PCDH11X: variants seen among roughly 807,000 people sequenced by gnomAD.
The protein encoded by PCDH11X is protocadherin 11 X-linked, also known as protocadherin-11 X-linked.
In PCDH11X, 18 loss-of-function variants were observed where a neutral mutation model predicts 53.3. The ratio of observed to expected loss-of-function variants is 0.34; its 90% confidence interval spans 0.23 to 0.50. The LOEUF is 0.50. Among genes scored for constraint, PCDH11X ranks in the 20% least tolerant of loss-of-function variants. The probability of loss-of-function intolerance (pLI) is 0.98; values close to 1 mark genes in which losing one functional copy is unlikely to be tolerated. For missense variants in PCDH11X, 570 were observed against 1,032.4 expected (o/e 0.55, Z 6.14); for synonymous variants, 279 against 393.3 (o/e 0.71, Z 3.44).
rs1247964345 is a variant in PCDH11X at position 92,094,141 on chromosome X, G to A, written c.3034-107234G>A. On this transcript the variant is annotated intron_variant, in intron 6 of 10. Transcript: ENST00000682573. ...CCACACAAAAAAGTAATATGTGTGT[G>A]TGTGTGTGTGTGTGTGTGTGTGTGT... 8.8e-5 allele frequency among the ~76,000 whole-genome samples: 4 copies of A among 45,618 alleles called. No homozygotes were observed. In the African/African-American group the frequency reaches 1.0e-3, roughly 12 times the overall value. The allele number at this position is 45,618 out of a possible 115,157, so 39.6% of individuals were successfully genotyped here. A position where few individuals can be genotyped will look rare whatever the true frequency, so the allele number is the denominator to read the frequency against.
intron 6 of PCDH11X, among the ~76,000 whole-genome samples, chrX:92,125,525 T>C (rs1336501287): frequency 9.0e-6 from 1 of 111,204 alleles, no homozygotes; most frequent in African/African-American, 3.3e-5. Context: ...GTGAGTTCCT[T>C]ATATGGAACT....
In PCDH11X at chrX:92,125,893, G is replaced by A. The variant is rs747168632; in HGVS notation, c.3034-75482G>A. Among the ~76,000 whole-genome samples the A allele has an allele frequency of 4.8e-3, 527 of 110,409 alleles. 4 individuals carry two copies. The highest frequency in any genetic ancestry group is 0.016 in the African/African-American group (494 of 30,384). On this transcript the variant is annotated intron_variant, in intron 6 of 10. Coordinates refer to ENST00000682573, the MANE Select transcript of PCDH11X (RefSeq NM_032968.5). ...TGTAATCCCAGCACTTTGGGAGGCCGAGGCAGGTGGATCACCTGAGGTCAG... is the reference window on the plus strand; with the variant it reads ...TGTAATCCCAGCACTTTGGGAGGCCAAGGCAGGTGGATCACCTGAGGTCAG...
In PCDH11X at chrX:91,998,894, C is replaced by CTTTTATTTTATTTTA. The variant is rs751332097; in HGVS notation, c.3033+119641_3033+119655dup. ...ATAGTATGTTTGCATGTTTCTTTTC[C>CTTTTATTTTATTTTA]TTTTATTTTATTTTATTTTATTTTA... On this transcript the variant is annotated intron_variant, in intron 6 of 10. Coordinates refer to ENST00000682573, the MANE Select transcript of PCDH11X (RefSeq NM_032968.5). 3.3e-3 allele frequency among the ~76,000 whole-genome samples: 364 copies of CTTTTATTTTATTTTA among 108,666 alleles called. 2 individuals are homozygous for CTTTTATTTTATTTTA. Among genetic ancestry groups the CTTTTATTTTATTTTA allele is most frequent in the African/African-American group, 0.012 (345 of 29,518 alleles). 94.4% of individuals were successfully genotyped at this position (108,666 alleles called of 115,157 possible).
At chrX:92,281,537 A>G (rs1018862942) in intron 8 of PCDH11X, among the ~76,000 whole-genome samples, 12 of 112,378 alleles carry the variant, frequency 1.1e-4, no homozygotes, top group African/African-American at 3.9e-4. Context: ...ATGAAACAAG[A>G]ACAGATAGCA....
At position 92,019,459 on chromosome X, in the gene PCDH11X, T is replaced by C. The variant is rs775980898; in HGVS notation, c.3033+140186T>C. Among the ~76,000 whole-genome samples the C allele has an allele frequency of 2.6e-4, 29 of 111,212 alleles. No homozygotes were observed. In the South Asian group the frequency reaches 0.011, roughly 42 times the overall value. On this transcript the variant is annotated intron_variant, in intron 6 of 10. Transcript: ENST00000682573. ...ATATACTCTAAAATCAACCGCATAA[T>C]CAGACACACTCTTCGGCAAGTGCAA... is the stretch of plus-strand genomic sequence containing the variant.
intron 6 of PCDH11X, among the ~76,000 whole-genome samples, chrX:91,943,860 T>C (rs771544839): frequency 1.2e-3 from 120 of 101,014 alleles, no homozygotes; most frequent in African/African-American, 4.2e-3. Context: ...GACTAGAAAG[T>C]AAGAAAAAAA....
At chrX:92,231,258 A>T (rs2067070669) in intron 7 of PCDH11X, among the ~76,000 whole-genome samples, 1 of 111,396 alleles carries the variant, frequency 9.0e-6, no homozygotes, top group Non-Finnish European at 1.9e-5. Context: ...GTATCAGAAG[A>T]GAATTAGAAA....
At chrX:91,962,701 G>T (rs1250386326) in intron 6 of PCDH11X, among the ~76,000 whole-genome samples, 1 of 111,223 alleles carries the variant, frequency 9.0e-6, no homozygotes, top group Non-Finnish European at 1.9e-5. Flanking sequence ...CACTGCACTA[G>T]CAGAGGTTCT....
intron 6 of PCDH11X, among the ~76,000 whole-genome samples, chrX:91,924,106 A>T (rs768253253): frequency 2.7e-5 from 3 of 110,081 alleles, no homozygotes; most frequent in African/African-American, 6.6e-5. Context: ...CCCATGCCTT[A>T]ATCCCTGGGA....
At chrX:91,823,759 T>C (rs927976641) in intron 4 of PCDH11X, among the ~76,000 whole-genome samples, 5 of 111,383 alleles carry the variant, frequency 4.5e-5, no homozygotes, top group African/African-American at 1.3e-4. Context: ...GATGCAGTTT[T>C]TTTCTAGTCT....
intron 10 of PCDH11X, among the ~76,000 whole-genome samples, chrX:92,580,596 G>GA (rs995559322): frequency 1.8e-5 from 2 of 110,279 alleles, no homozygotes; most frequent in African/African-American, 3.3e-5. Flanking sequence ...CACAGGCCGG[G>GA]AAAAAAAAGC....
In PCDH11X at chrX:91,877,394, T is replaced by G; in HGVS notation, c.1154T>G (p.Val385Gly). The G allele has an allele frequency of 8.3e-7, 1 of 1,209,127 alleles. No individual in the cohort carries two copies. The highest frequency in any genetic ancestry group is 1.1e-6 in the Non-Finnish European group (1 of 894,879). ...PLNTKIALIT[V>G]TDKDADHNGR... ...AACACCAAAATTGCTCTCATAACTG[T>G]GACGGATAAGGATGCGGACCATAAT... The change falls in exon 6 of 11, where the codon GTG (valine) becomes GGG (glycine). Residue 385 changes from valine (V) to glycine (G), a missense_variant. Physicochemically the swap from Val to Gly is moderately radical, Grantham distance 109 (BLOSUM62 -3). Coordinates refer to ENST00000682573, the MANE Select transcript of PCDH11X (RefSeq NM_032968.5).
chrX:92,478,933 A>G (rs1489062174), intron 10 of PCDH11X, among the ~76,000 whole-genome samples: 1 of 109,757 alleles, frequency 9.1e-6, no homozygotes, highest in Admixed American at 9.7e-5. Context: ...ATCTTCATGA[A>G]TTATCTGTCT....
chrX:92,484,680 A>G (rs745454083), intron 10 of PCDH11X, among the ~76,000 whole-genome samples: 2 of 110,456 alleles, frequency 1.8e-5, no homozygotes, highest in Admixed American at 9.8e-5. Flanking sequence ...CAGCTAAGCT[A>G]TGAGGACGCA....
chrX:92,480,161 A>G (rs1252652225), intron 10 of PCDH11X, among the ~76,000 whole-genome samples: 1 of 111,512 alleles, frequency 9.0e-6, no homozygotes, highest in Non-Finnish European at 1.9e-5. Flanking sequence ...TTGTGATTGC[A>G]TTATGAAATT....
chrX:91,932,278 T>C (rs2061395187), intron 6 of PCDH11X, among the ~76,000 whole-genome samples: 1 of 110,414 alleles, frequency 9.1e-6, no homozygotes. Flanking sequence ...ATTATGTGTA[T>C]ATGTTATTTC....
At chrX:91,901,031 A>G (rs897252896) in intron 6 of PCDH11X, among the ~76,000 whole-genome samples, 2 of 111,107 alleles carry the variant, frequency 1.8e-5, no homozygotes, top group African/African-American at 6.5e-5. Context: ...CTTCAGAATC[A>G]GGGAACATGG....
chrX:92,180,545 T>C (rs747343072), intron 6 of PCDH11X, among the ~76,000 whole-genome samples: 24 of 111,141 alleles, frequency 2.2e-4, no homozygotes, highest in Non-Finnish European at 4.0e-4. Context: ...ATATTATCTA[T>C]ATATTGATGA....
intron 1 of PCDH11X, among the ~76,000 whole-genome samples, chrX:91,809,192 C>T (rs1936218250): frequency 9.0e-6 from 1 of 111,284 alleles, no homozygotes; most frequent in African/African-American, 3.3e-5. Flanking sequence ...ACCCACATTC[C>T]AGATTAAACT....
Sources: allele counts gnomAD v4.1 joint callset (sites outside exome capture counted in the v4.1 genomes callset), GRCh38; gene constraint gnomAD v4.1.1; transcripts MANE v1.5; gene names NCBI Gene and HGNC (gene_info 2026-07-23, HGNC 2026-07-21).